The following KIF21B variants were observed in gnomAD, a reference collection of about 807,000 sequenced individuals.
The protein encoded by KIF21B is kinesin-like protein KIF21B.
KIF21B carries 85 observed loss-of-function variants against 192.9 expected under a neutral mutation model. That is an observed-to-expected ratio of 0.44 (90% CI 0.37 to 0.53). The LOEUF (loss-of-function observed/expected upper bound fraction) is 0.53. Ranked by LOEUF, KIF21B falls within the 20% of genes least tolerant of loss-of-function variation. The pLI is 0.00. For synonymous variants in KIF21B, 832 were observed against 884.6 expected, an observed-to-expected ratio of 0.94 and a Z score of 1.05; for missense variants, 1,716 against 2,194.8, an observed-to-expected ratio of 0.78 and a Z score of 4.36.
intron 21 of KIF21B, 125 bp downstream of exon 21, chr1:200,989,817 C>G (rs1656559183): frequency 2.9e-6 from 2 of 689,226 alleles, no homozygotes; most frequent in South Asian, 1.8e-5. Context: ...AGAGGTTAGG[C>G]GGCTTGTCCT....
intron 1 of KIF21B, among the ~76,000 whole-genome samples, chr1:201,019,194 A>G (rs575816434): frequency 2.6e-5 from 4 of 152,254 alleles, no homozygotes; most frequent in Non-Finnish European, 5.9e-5. Flanking sequence ...CAGCCTCCCA[A>G]AGTGCTGGGA....
Position 200,974,823 on chromosome 1 carries a change from T to G in KIF21B, c.4705A>C (p.Ile1569Leu), listed in dbSNP as rs1282875178. The G allele has an allele frequency of 2.5e-6, 4 of 1,614,216 alleles. No homozygotes were observed. In the African/African-American group the frequency reaches 5.3e-5, roughly 22 times the overall value. Residue 1569 changes from isoleucine (I) to leucine (L), a missense_variant, in exon 34 of 35, where the codon ATC becomes CTC. Around this residue, in one of 3 missense-constraint regions of KIF21B, gnomAD observed 580 missense variants for 775.5 expected, o/e 0.75. Transcript: ENST00000461742. ...MLLSACRAGVIKVWNVDNFTP... is the reference protein window; with the variant it reads ...MLLSACRAGVLKVWNVDNFTP... ...AAGTTGTCCACGTTCCAGACCTTGA[T>G]GACACCCGCACGGCAGGCGCTGAGC...
At position 200,975,143 on chromosome 1, in the gene KIF21B, G is replaced by C. The variant is rs1385971853; in HGVS notation, c.4615-230C>G. On this transcript the variant is annotated intron_variant, in intron 33 of 34. Transcript: ENST00000461742. The surrounding 1 kb of genome is among the most constrained non-coding windows in gnomAD (Gnocchi z 4.3). ...CTCTACTTCCCAGGTTCAAGCCTAA[G>C]ATCCTGCCCTGGCAGAGAACCCTTC... is the stretch of plus-strand genomic sequence containing the variant. Among the ~76,000 whole-genome samples the C allele has an allele frequency of 6.6e-6, 1 of 152,184 alleles. No homozygotes were observed. Among genetic ancestry groups the C allele is most frequent in the Non-Finnish European group, 1.5e-5 (1 of 68,028 alleles).
At chr1:200,991,824 T>C in intron 16 of KIF21B, 99 bp from the exon 17 acceptor site, 1 of 1,209,066 alleles carries the variant, frequency 8.3e-7, no homozygotes. Flanking sequence ...AGCCTGGGCT[T>C]CAGGGTGATT....
rs1656714766 is a variant in KIF21B at position 200,991,729 on chromosome 1, T to C, written c.2386-4A>G. The C allele has an allele frequency of 1.9e-6, 3 of 1,613,992 alleles. No homozygotes were observed. Among genetic ancestry groups the C allele is most frequent in the Non-Finnish European group, 2.5e-6 (3 of 1,179,980 alleles). On this transcript the variant is annotated splice_polypyrimidine_tract_variant and splice_region_variant and intron_variant, in intron 16 of 34. Coordinates refer to ENST00000461742, the MANE Select transcript of KIF21B (RefSeq NM_001252102.2). ...ACTCCAGAGCTCGGATCTGAAACTG[T>C]GGGAGACAGAAGAGGGCTGGGCTCC...
rs1658989941 is a variant in KIF21B at position 201,023,465 on chromosome 1, G to GGAGGC, written c.-87_-83dup. ...GCCCGAGGCAGCGGCTGCGGCTGCG[G>GGAGGC]GAGGCGGGGGCGCGGGCGCGGCTGG... On this transcript the variant is annotated 5_prime_UTR_variant, in exon 1 of 35. An upstream open reading frame in the 5' UTR loses its in-frame stop. Transcript: ENST00000461742. This position sits in a 1 kb window ranked among gnomAD's most constrained non-coding sequence, Gnocchi z 5.9. 1.9e-6 allele frequency: 2 copies of GGAGGC among 1,081,002 alleles called. No homozygotes were observed. Among genetic ancestry groups the GGAGGC allele is most frequent in the Admixed American group, 8.4e-5 (2 of 23,814 alleles). 67.0% of individuals were successfully genotyped at this position (1,081,002 alleles called of 1,614,324 possible). A position where few individuals can be genotyped will look rare whatever the true frequency, so the allele number is the denominator to read the frequency against.
intron 3 of KIF21B, among the ~76,000 whole-genome samples, chr1:201,008,166 G>C (rs1405123277): frequency 1.3e-5 from 2 of 152,204 alleles, no homozygotes; most frequent in Non-Finnish European, 2.9e-5. Flanking sequence ...CAATGGTCAA[G>C]AGCACAGAGA....
rs369294616 is a variant in KIF21B, at chr1:200,980,949, G to T, written c.3979+11C>A. On this transcript the variant is annotated intron_variant, in intron 29 of 34. Coordinates refer to ENST00000461742, the MANE Select transcript of KIF21B (RefSeq NM_001252102.2). ...CCCCAACCCTACCTGGCTAGTTGGCGTTCCACATACCTTTGGACCCTGTGA... is the reference window on the plus strand; with the variant it reads ...CCCCAACCCTACCTGGCTAGTTGGCTTTCCACATACCTTTGGACCCTGTGA... 6.2e-7 allele frequency: 1 copy of T among 1,606,662 alleles called. No individual in the cohort carries two copies. Among genetic ancestry groups the T allele is most frequent in the African/African-American group, 1.3e-5 (1 of 74,646 alleles).
intron 15 of KIF21B, among the ~76,000 whole-genome samples, chr1:200,992,735 T>C (rs1403803765): frequency 6.6e-6 from 1 of 152,064 alleles, no homozygotes; most frequent in Non-Finnish European, 1.5e-5. Context: ...CCAGAAACAG[T>C]CTGGGTTGCT....
intron 28 of KIF21B, 134 bp from the exon 29 acceptor site, chr1:200,981,230 C>A: frequency 1.1e-6 from 1 of 891,106 alleles, no homozygotes. Flanking sequence ...TTTAAGGACT[C>A]CAGCCAAATT....
At chr1:201,005,747 T>C in intron 3 of KIF21B, 53 bp from the exon 4 acceptor site, 1 of 1,578,038 alleles carries the variant, frequency 6.3e-7, no homozygotes, top group Non-Finnish European at 8.7e-7. Flanking sequence ...GGGCCCCAGG[T>C]GGCTGCCACA....
intron 3 of KIF21B, among the ~76,000 whole-genome samples, chr1:201,006,803 C>A (rs1441728931): frequency 6.6e-6 from 1 of 151,876 alleles, no homozygotes; most frequent in African/African-American, 2.4e-5. Flanking sequence ...GACACACACA[C>A]AGAGACACCC....
rs1282935526 is a variant in KIF21B, at chr1:201,005,630, C to T, written c.512G>A (p.Arg171Lys). 2 of 1,614,038 alleles carry T rather than the reference C, an allele frequency of 1.2e-6. No homozygotes were observed. The highest frequency in any genetic ancestry group is 1.7e-6 in the Non-Finnish European group (2 of 1,180,032). ...STRDPDTRHR[R>K]SNIKIHEDAN... ...GTCCTCGTGGATCTTGATGTTGGACCTGCGGTGGCGGGTGTCAGGGTCACG... is the reference window on the plus strand; with the variant it reads ...GTCCTCGTGGATCTTGATGTTGGACTTGCGGTGGCGGGTGTCAGGGTCACG... The change falls in exon 4 of 35, where the codon AGG (arginine) becomes AAG (lysine). Residue 171 changes from arginine to lysine, a missense_variant. By Grantham distance (26) the Arg-to-Lys change is conservative (BLOSUM62 2). This residue lies in a region of KIF21B where 1,087 missense variants were observed against 1,316.6 expected (regional missense o/e 0.83). Transcript: ENST00000461742.
rs1027532802 is a variant in KIF21B at position 201,017,863 on chromosome 1, C to G, written c.41+5480G>C. On this transcript the variant is annotated intron_variant, in intron 1 of 34. Transcript: ENST00000461742. This position sits in a 1 kb window ranked among gnomAD's most constrained non-coding sequence, Gnocchi z 4.1. ...ATGGCAGCATGACCTCCTTTCCACACCCCAGAGCAGCTGGAGGTGAAAGAG... is the reference window on the plus strand; with the variant it reads ...ATGGCAGCATGACCTCCTTTCCACAGCCCAGAGCAGCTGGAGGTGAAAGAG... 6.6e-6 allele frequency among the ~76,000 whole-genome samples: 1 copy of G among 152,214 alleles called. No individual in the cohort carries two copies. Among genetic ancestry groups the G allele is most frequent in the Non-Finnish European group, 1.5e-5 (1 of 68,040 alleles).
chr1:200,974,954 T>G (rs759687793), intron 33 of KIF21B, 41 bp from the exon 34 acceptor site: 1 of 1,596,556 alleles, frequency 6.3e-7, no homozygotes, highest in South Asian at 1.1e-5. Context: ...GGGGAGGTGA[T>G]GAGGGAGAGA....
chr1:200,992,850 A>G (rs1230288284), intron 15 of KIF21B, among the ~76,000 whole-genome samples: 2 of 152,152 alleles, frequency 1.3e-5, no homozygotes, highest in Non-Finnish European at 2.9e-5. Context: ...AATAAAAACC[A>G]CCATTATTTA....
chr1:200,999,863 G>C lies in KIF21B; in HGVS notation c.1767+20C>G, dbSNP rs374440240. 6.2e-7 allele frequency: 1 copy of C among 1,611,690 alleles called. No homozygotes were observed. The highest frequency in any genetic ancestry group is 8.5e-7 in the Non-Finnish European group (1 of 1,179,092). ...CACAAGGCATGCATGTGGTGAGGTG[G>C]GGCGGCCCGTGCTCCTCACCTCCTC... On this transcript the variant is annotated intron_variant, in intron 12 of 34. Coordinates refer to ENST00000461742, the MANE Select transcript of KIF21B (RefSeq NM_001252102.2). This position sits in a 1 kb window ranked among gnomAD's most constrained non-coding sequence, Gnocchi z 4.7.
chr1:200,974,943 G>T (rs1356244224), intron 33 of KIF21B, 30 bp from the exon 34 acceptor site: 2 of 1,605,642 alleles, frequency 1.2e-6, no homozygotes, highest in Non-Finnish European at 1.7e-6. Context: ...GGTGAGGGCT[G>T]GGGGAGGTGA....
chr1:201,005,770 A>G, intron 3 of KIF21B, 76 bp from the exon 4 acceptor site: 1 of 1,455,660 alleles, frequency 6.9e-7, no homozygotes, highest in South Asian at 1.2e-5. Flanking sequence ...CCTATAAACC[A>G]TATCTGTTTT....
Sources: gnomAD v4.1 joint callset for allele counts (sites outside exome capture counted in the v4.1 genomes callset) on GRCh38, gnomAD v4.1.1 for gene constraint, gnomAD v4.1.1 regional missense constraint, Gnocchi (gnomAD v3.1) non-coding constraint, MANE v1.5 for transcripts, NCBI Gene and HGNC (gene_info 2026-07-23, HGNC 2026-07-21) for gene names.